Variants in NECTIN3 observed in about 807,000 individuals in gnomAD.
The protein encoded by NECTIN3 is nectin cell adhesion molecule 3, also known as nectin-3.
Under a neutral mutation model 49.4 loss-of-function variants are expected in NECTIN3, and 8 were observed. The observed-to-expected ratio is 0.16, with a 90% CI of 0.10 to 0.29. The LOEUF (loss-of-function observed/expected upper bound fraction) is 0.29, where lower values mean the gene tolerates loss of function less well. Ranked by LOEUF, NECTIN3 falls within the 10% of genes least tolerant of loss-of-function variation. The pLI is 1.00. For missense variants in NECTIN3, 581 were observed against 654.6 expected, an observed-to-expected ratio of 0.89 and a Z score of 1.23; for synonymous variants, 277 against 241.1, an observed-to-expected ratio of 1.15 and a Z score of -1.38.
At position 111,118,644 on chromosome 3, in the gene NECTIN3, AT is replaced by A. The variant is rs753751467; in HGVS notation, c.503-11del. On this transcript the variant is annotated splice_polypyrimidine_tract_variant and intron_variant, in intron 2 of 5. Coordinates refer to ENST00000485303, the MANE Select transcript of NECTIN3 (RefSeq NM_015480.3). ...TTGAATGTAACTAATTATTAAAAAA[AT>A]ATTTAAACAGTTGAACCCACTGTGA... 18 of 1,516,358 alleles carry A rather than the reference AT, an allele frequency of 1.2e-5. No homozygotes were observed. Among genetic ancestry groups the A allele is most frequent in the Admixed American group, 7.0e-5 (3 of 42,912 alleles). 93.9% of individuals were successfully genotyped at this position (1,516,358 alleles called of 1,614,324 possible).
chr3:111,120,163 C>T (rs2033882863), intron 3 of NECTIN3, among the ~76,000 whole-genome samples: 1 of 151,992 alleles, frequency 6.6e-6, no homozygotes, highest in Non-Finnish European at 1.5e-5. Context: ...AATTCAGATC[C>T]CAATTGGAAG....
chr3:111,074,936 T>G (rs2031073173), intron 1 of NECTIN3: 1 of 151,988 alleles, frequency 6.6e-6, no homozygotes, highest in South Asian at 2.1e-4. Flanking sequence ...AATAACAAGA[T>G]AGACTGACCT....
At chr3:111,189,663 G>A (rs139357621), upstream of NECTIN3, among the ~76,000 whole-genome samples, 1,673 of 152,264 alleles carry the variant, frequency 0.011, 14 homozygotes, top group Non-Finnish European at 0.019. Context: ...TTAATATAAG[G>A]TATTTTTTCC....
At chr3:111,157,507 T>C (rs1337243406) in intron 7 of NECTIN3, among the ~76,000 whole-genome samples, 1 of 152,140 alleles carries the variant, frequency 6.6e-6, no homozygotes, top group Non-Finnish European at 1.5e-5. Context: ...TTTCTTATTG[T>C]TCCATTGATT....
chr3:111,110,758 C>T (rs536052167), intron 1 of NECTIN3, among the ~76,000 whole-genome samples: 38 of 152,032 alleles, frequency 2.5e-4, no homozygotes, highest in Admixed American at 5.2e-4. Context: ...AACTTAAATT[C>T]GTAGCTGTTA....
At chr3:111,080,583 G>A (rs2031530166) in intron 1 of NECTIN3, among the ~76,000 whole-genome samples, 1 of 151,322 alleles carries the variant, frequency 6.6e-6, no homozygotes, top group African/African-American at 2.4e-5. Flanking sequence ...CTTTTTCCCT[G>A]ACCTGTGTAT....
At chr3:111,096,879 T>G (rs902384632) in intron 1 of NECTIN3, among the ~76,000 whole-genome samples, 2 of 152,182 alleles carry the variant, frequency 1.3e-5, no homozygotes, top group African/African-American at 4.8e-5. Context: ...GGGGCCCTCA[T>G]GGAGAATCTC....
intron 1 of NECTIN3, among the ~76,000 whole-genome samples, chr3:111,092,039 G>A (rs1479053066): frequency 6.6e-6 from 1 of 152,190 alleles, no homozygotes; most frequent in Non-Finnish European, 1.5e-5. Flanking sequence ...CGTGATGGCT[G>A]ATGATGTTGA....
At chr3:111,103,225 A>G (rs144942755) in intron 1 of NECTIN3, among the ~76,000 whole-genome samples, 362 of 152,248 alleles carry the variant, frequency 2.4e-3, no homozygotes, top group African/African-American at 8.3e-3. Flanking sequence ...GAATCTATAG[A>G]TCTAGCATCT....
chr3:111,131,924 TTATTA>T (rs1225755463), intron 5 of NECTIN3, among the ~76,000 whole-genome samples: 1 of 151,868 alleles, frequency 6.6e-6, no homozygotes, highest in African/African-American at 2.4e-5. Flanking sequence ...TGATGCCAGT[TTATTA>T]TATTTTTTTC....
At position 111,136,826 on chromosome 3, in the gene NECTIN3, C is replaced by T. The variant is rs564492769; in HGVS notation, c.*2611C>T. The T allele has an allele frequency of 1.3e-5, 12 of 955,738 alleles. No individual in the cohort carries two copies. The highest frequency in any genetic ancestry group is 5.4e-4 in the Middle Eastern group (1 of 1,856). 59.2% of individuals were successfully genotyped at this position (955,738 alleles called of 1,614,324 possible). On this transcript the variant is annotated 3_prime_UTR_variant, in exon 6 of 6. Transcript: ENST00000485303. ...AATGATATAATGAAGATGAATGCAA[C>T]TCTTATTTTTCTGCCATTTTTTATT...
At position 111,112,241 on chromosome 3, in the gene NECTIN3, A is replaced by T. The variant is rs1211462911; in HGVS notation, c.372A>T (p.Lys124Asn). Reference protein sequence around the residue: ...QGEYQGRVLFKNYSLNDATIT... With the variant: ...QGEYQGRVLFNNYSLNDATIT... Reference sequence around the variant, plus strand: ...AATATCAGGGAAGAGTCTTGTTTAAAAATTACTCACTTAATGATGCAACAA... The same window carrying T: ...AATATCAGGGAAGAGTCTTGTTTAATAATTACTCACTTAATGATGCAACAA... The change falls in exon 2 of 6, where the codon AAA (lysine) becomes AAT (asparagine). Residue 124 changes from lysine (K) to asparagine (N), a missense_variant. Lys to Asn is a moderately conservative substitution (Grantham distance 94). Coordinates refer to ENST00000485303, the MANE Select transcript of NECTIN3 (RefSeq NM_015480.3). 1.2e-6 allele frequency: 2 copies of T among 1,613,806 alleles called. No homozygotes were observed. Among genetic ancestry groups the T allele is most frequent in the African/African-American group, 2.7e-5 (2 of 75,008 alleles).
At chr3:111,138,549 A>G (rs2034654773), downstream of NECTIN3, among the ~76,000 whole-genome samples, 1 of 151,634 alleles carries the variant, frequency 6.6e-6, no homozygotes, top group Non-Finnish European at 1.5e-5. Flanking sequence ...AAAATTGTTT[A>G]CAAAAGTTTT....
downstream of NECTIN3, among the ~76,000 whole-genome samples, chr3:111,141,072 G>C (rs1002156412): frequency 6.6e-6 from 1 of 151,842 alleles, no homozygotes; most frequent in African/African-American, 2.4e-5. Context: ...GGTGCTTGGG[G>C]TAATTTTTTG....
intron 7 of NECTIN3, among the ~76,000 whole-genome samples, chr3:111,158,242 T>C (rs1302979989): frequency 6.6e-6 from 1 of 152,084 alleles, no homozygotes; most frequent in African/African-American, 2.4e-5. Flanking sequence ...AAACTTGCTA[T>C]TGGTGGAATA....
At chr3:111,183,480 T>A (rs1273928734) in intron 7 of NECTIN3, among the ~76,000 whole-genome samples, 1 of 151,920 alleles carries the variant, frequency 6.6e-6, no homozygotes, top group African/African-American at 2.4e-5. Flanking sequence ...CCTGGCTAAT[T>A]TTTTTGTATT....
intron 5 of NECTIN3, among the ~76,000 whole-genome samples, chr3:111,132,556 A>G (rs2034431974): frequency 6.6e-6 from 1 of 151,914 alleles, no homozygotes; most frequent in Non-Finnish European, 1.5e-5. Context: ...CCTTTCTTCA[A>G]ACTCTACAGT....
At chr3:111,125,566 G>A (rs960219445) in intron 4 of NECTIN3, among the ~76,000 whole-genome samples, 3 of 152,086 alleles carry the variant, frequency 2.0e-5, no homozygotes, top group African/African-American at 7.2e-5. Context: ...GTTTTAAAGA[G>A]TTATTATTGA....
intron 7 of NECTIN3, among the ~76,000 whole-genome samples, chr3:111,161,690 C>T (rs577195369): frequency 1.3e-5 from 2 of 152,206 alleles, no homozygotes; most frequent in Admixed American, 6.5e-5. Flanking sequence ...CCAAAACCAT[C>T]CCCTGTACCC....
Sources: allele counts gnomAD v4.1 joint callset (sites outside exome capture counted in the v4.1 genomes callset), GRCh38; gene constraint gnomAD v4.1.1; transcripts MANE v1.5; gene names NCBI Gene and HGNC (gene_info 2026-07-23, HGNC 2026-07-21).